Variants in POLR1H observed in about 807,000 individuals in gnomAD.
POLR1H encodes the protein RNA polymerase I subunit H, also known as DNA-directed RNA polymerase I subunit RPA12.
POLR1H carries 5 observed loss-of-function variants against 15.8 expected under a neutral mutation model. That is an observed-to-expected ratio of 0.32 (90% CI 0.17 to 0.67). The LOEUF is 0.67. POLR1H is among the 30% of genes least tolerant of loss of function. POLR1H has a pLI of 0.74. For missense variants in POLR1H, 100 were observed against 163.4 expected (o/e 0.61, Z 2.11); for synonymous variants, 43 against 58.3 (o/e 0.74, Z 1.20).
Position 30,061,838 on chromosome 6 carries a change from C to T in POLR1H, c.146-79C>T. 6.4e-7 allele frequency: 1 copy of T among 1,555,582 alleles called. No individual in the cohort carries two copies. Among genetic ancestry groups the T allele is most frequent in the Admixed American group, 1.7e-5 (1 of 58,720 alleles). ...AAGGATGTAGGGCCTCCTGGCCTAA[C>T]CAGCCAGGGGAAAGGGGAGGTTTCC... On this transcript the variant is annotated intron_variant, in intron 1 of 3. Transcript: ENST00000332435. The surrounding 1 kb of genome is among the most constrained non-coding windows in gnomAD (Gnocchi z 5.0).
intron 3 of POLR1H, 88 bp downstream of exon 3, chr6:30,062,421 C>A: frequency 1.2e-6 from 1 of 848,924 alleles, no homozygotes; most frequent in Admixed American, 2.0e-5. Flanking sequence ...ATGGCCGTTT[C>A]CCTTGGTCCC....
rs1765072809 is a variant in POLR1H, at chr6:30,061,616, G to A, written c.92G>A (p.Gly31Glu). ...TGCGGCTCGGTCCTGCCTCTGCCCG[G>A]GGCTCAGGATACGGTCACCTGTATT... The part of the protein sequence containing the change: ...SDCGSVLPLP[G>E]AQDTVTCIRC... The change falls in exon 1 of 4, where the codon GGG (glycine) becomes GAG (glutamate). Residue 31 changes from glycine (G) to glutamate (E), a missense_variant. Gly to Glu is a moderately conservative substitution (Grantham distance 98). Coordinates refer to ENST00000332435, the MANE Select transcript of POLR1H (RefSeq NM_170783.4). The surrounding 1 kb of genome is among the most constrained non-coding windows in gnomAD (Gnocchi z 5.0). 6.2e-7 allele frequency: 1 copy of A among 1,613,046 alleles called. No homozygotes were observed. Among genetic ancestry groups the A allele is most frequent in the South Asian group, 1.1e-5 (1 of 91,082 alleles).
In POLR1H at chr6:30,061,573, C is replaced by T. The variant is rs1447541754; in HGVS notation, c.49C>T (p.Leu17=). ...TACTTGCTCCAGCTTTCAGTCGGAC[C>T]TGGATTTCTGTTCAGATTGCGGCTC... ...ANTCSSFQSD[L]DFCSDCGSVL... Residue 17 remains leucine, a synonymous_variant, in exon 1 of 4, where the codon CTG becomes TTG. Transcript: ENST00000332435. This position sits in a 1 kb window ranked among gnomAD's most constrained non-coding sequence, Gnocchi z 5.0. The T allele has an allele frequency of 6.2e-7, 1 of 1,612,962 alleles. No individual in the cohort carries two copies. Among genetic ancestry groups the T allele is most frequent in the East Asian group, 2.2e-5 (1 of 44,902 alleles).
rs1456421758 is a variant in POLR1H, at chr6:30,062,013, C to T, written c.242C>T (p.Pro81Leu). 6.2e-7 allele frequency: 1 copy of T among 1,612,802 alleles called. No individual in the cohort carries two copies. ...SVEEGPECQG[P>L]VVDRRCPRCG... Reference sequence around the variant, plus strand: ...GAGGAAGGGCCTGAGTGCCAGGGACCTGTGGTAAGCTAATGAGATCAAGAA... The same window carrying T: ...GAGGAAGGGCCTGAGTGCCAGGGACTTGTGGTAAGCTAATGAGATCAAGAA... Residue 81 changes from proline (P) to leucine (L), a missense_variant, in exon 2 of 4, where the codon CCT becomes CTT. Coordinates refer to ENST00000332435, the MANE Select transcript of POLR1H (RefSeq NM_170783.4).
rs1181336958 is a variant in POLR1H, at chr6:30,061,595, G to A, written c.71G>A (p.Gly24Asp). The A allele has an allele frequency of 6.2e-7, 1 of 1,613,052 alleles. No individual in the cohort carries two copies. The highest frequency in any genetic ancestry group is 1.7e-5 in the Admixed American group (1 of 60,026). The change falls in exon 1 of 4, where the codon GGC (glycine) becomes GAC (aspartate). Residue 24 changes from glycine to aspartate, a missense_variant. Coordinates refer to ENST00000332435, the MANE Select transcript of POLR1H (RefSeq NM_170783.4). This position sits in a 1 kb window ranked among gnomAD's most constrained non-coding sequence, Gnocchi z 5.0. ...QSDLDFCSDC[G>D]SVLPLPGAQD... ...GACCTGGATTTCTGTTCAGATTGCG[G>A]CTCGGTCCTGCCTCTGCCCGGGGCT...
intron 3 of POLR1H, among the ~76,000 whole-genome samples, chr6:30,062,714 C>CTTTTTTTTT (rs9278555): frequency 1.3e-3 from 54 of 42,384 alleles, no homozygotes; most frequent in African/African-American, 3.2e-3. Flanking sequence ...CCACGCCTGG[C>CTTTTTTTTT]TTTTTTTTTT....
rs138940267 is a variant in POLR1H at position 30,063,150 on chromosome 6, A to AT, written c.356+817_356+818insT. Among the ~76,000 whole-genome samples the AT allele has an allele frequency of 6.6e-6, 1 of 151,824 alleles. No individual in the cohort carries two copies. The highest frequency in any genetic ancestry group is 2.4e-5 in the African/African-American group (1 of 41,302). The stretch of plus-strand genomic sequence containing the variant: ...TTGGACTTTCTGAAACTGAGAGTGG[A>AT]CTTTTTTTTCATCAACCTTGGAAAA... On this transcript the variant is annotated intron_variant, in intron 3 of 3. Coordinates refer to ENST00000332435, the MANE Select transcript of POLR1H (RefSeq NM_170783.4). The surrounding 1 kb of genome is among the most constrained non-coding windows in gnomAD (Gnocchi z 4.1).
chr6:30,061,538 ACCTCGCC>A lies in POLR1H; in HGVS notation c.15_21del (p.Asp5GlufsTer49). ...AGACCCGACCGCATGTCTGTCATGG[ACCTCGCC>A]AATACTTGCTCCAGCTTTCAGTCGG... On this transcript the variant is annotated frameshift_variant, in exon 1 of 4. Coordinates refer to ENST00000332435, the MANE Select transcript of POLR1H (RefSeq NM_170783.4). LOFTEE classifies it high-confidence loss of function. This position sits in a 1 kb window ranked among gnomAD's most constrained non-coding sequence, Gnocchi z 5.0. The A allele has an allele frequency of 6.2e-7, 1 of 1,612,982 alleles. No individual in the cohort carries two copies. Among genetic ancestry groups the A allele is most frequent in the Non-Finnish European group, 8.5e-7 (1 of 1,180,018 alleles).
upstream of POLR1H, chr6:30,060,583 G>GGA (rs1764942283): frequency 6.6e-6 from 1 of 152,182 alleles, no homozygotes; most frequent in South Asian, 2.1e-4. Flanking sequence ...AGGAGTCGAA[G>GGA]GAGAGGAAGC....
At chr6:30,064,326 GA>G (rs1765341691) in intron 3 of POLR1H, among the ~76,000 whole-genome samples, 1 of 149,812 alleles carries the variant, frequency 6.7e-6, no homozygotes, top group African/African-American at 2.4e-5. Context: ...ATAAAAAGAA[GA>G]TTTTTTTTCC....
intron 3 of POLR1H, among the ~76,000 whole-genome samples, chr6:30,062,932 GT>G (rs1765232628): frequency 6.6e-6 from 1 of 151,508 alleles, no homozygotes; most frequent in Non-Finnish European, 1.5e-5. Flanking sequence ...AGCAGGTATT[GT>G]TTAGTGGTCA....
At chr6:30,062,444 T>A in intron 3 of POLR1H, 111 bp downstream of exon 3, 1 of 700,892 alleles carries the variant, frequency 1.4e-6, no homozygotes, top group South Asian at 1.6e-5. Flanking sequence ...CCCTTATTTC[T>A]GTGCAGTTCT....
chr6:30,062,152 C>G (rs865974875), intron 2 of POLR1H, 72 bp from the exon 3 acceptor site: 1 of 1,454,372 alleles, frequency 6.9e-7, no homozygotes, highest in Non-Finnish European at 9.6e-7. Flanking sequence ...GTTTGAGAGG[C>G]GTGATCGCCT....
At chr6:30,062,111 C>T in intron 2 of POLR1H, 94 bp downstream of exon 2, 1 of 1,462,010 alleles carries the variant, frequency 6.8e-7, no homozygotes, top group Non-Finnish European at 9.6e-7. Context: ...GTGCCCAATT[C>T]CAAGAGGGAA....
Position 30,063,532 on chromosome 6 carries a change from T to C in POLR1H, c.357-1141T>C, listed in dbSNP as rs1454102214. Among the ~76,000 whole-genome samples the C allele has an allele frequency of 6.6e-6, 1 of 151,508 alleles. No homozygotes were observed. The highest frequency in any genetic ancestry group is 6.6e-5 in the Admixed American group (1 of 15,218). Reference sequence around the variant, plus strand: ...CTTTTATTATTCTTTAAATATATATTTAAAATATTAAATATGGTTATTATA... The same window carrying C: ...CTTTTATTATTCTTTAAATATATATCTAAAATATTAAATATGGTTATTATA... On this transcript the variant is annotated intron_variant, in intron 3 of 3. Coordinates refer to ENST00000332435, the MANE Select transcript of POLR1H (RefSeq NM_170783.4). The surrounding 1 kb of genome is among the most constrained non-coding windows in gnomAD (Gnocchi z 4.1).
chr6:30,061,505 C>G lies in POLR1H; in HGVS notation c.-20C>G, dbSNP rs1192676359. 6.2e-7 allele frequency: 1 copy of G among 1,611,598 alleles called. No individual in the cohort carries two copies. Among genetic ancestry groups the G allele is most frequent in the Non-Finnish European group, 8.5e-7 (1 of 1,179,138 alleles). On this transcript the variant is annotated 5_prime_UTR_variant, in exon 1 of 4. Transcript: ENST00000332435. This position sits in a 1 kb window ranked among gnomAD's most constrained non-coding sequence, Gnocchi z 5.0. ...CTCTTTTGTTAATAAACTTCCAACT[C>G]CCTCCTCAGACCCGACCGCATGTCT...
At position 30,061,695 on chromosome 6, in the gene POLR1H, T is replaced by C; in HGVS notation, c.145+26T>C. On this transcript the variant is annotated intron_variant, in intron 1 of 3. Coordinates refer to ENST00000332435, the MANE Select transcript of POLR1H (RefSeq NM_170783.4). This position sits in a 1 kb window ranked among gnomAD's most constrained non-coding sequence, Gnocchi z 5.0. Reference sequence around the variant, plus strand: ...GTGAGAGGCTTGTACGCAGGGGTCCTGGCGGAGGGCGCAGGGTCGGAAGCT... The same window carrying C: ...GTGAGAGGCTTGTACGCAGGGGTCCCGGCGGAGGGCGCAGGGTCGGAAGCT... The C allele has an allele frequency of 1.2e-6, 2 of 1,612,014 alleles. No individual in the cohort carries two copies. The highest frequency in any genetic ancestry group is 2.2e-5 in the South Asian group (2 of 91,070).
Position 30,061,308 on chromosome 6 carries a change from C to T in POLR1H, c.-217C>T, listed in dbSNP as rs1561958813. 1 of 490,862 alleles carries T rather than the reference C, an allele frequency of 2.0e-6. No homozygotes were observed. Among genetic ancestry groups the T allele is most frequent in the South Asian group, 3.8e-5 (1 of 26,484 alleles). 30.4% of individuals were successfully genotyped at this position (490,862 alleles called of 1,614,324 possible). ...CACGGAGTTGGTTAACTCCTCTCAC[C>T]GGCCCCTGGAAAGGGTTCCAAGTCC... On this transcript the variant is annotated 5_prime_UTR_variant, in exon 1 of 4. Transcript: ENST00000332435. This position sits in a 1 kb window ranked among gnomAD's most constrained non-coding sequence, Gnocchi z 5.0.
Position 30,061,420 on chromosome 6 carries a change from G to A in POLR1H, c.-105G>A, listed in dbSNP as rs533703301. 33 of 1,373,224 alleles carry A rather than the reference G, an allele frequency of 2.4e-5. No homozygotes were observed. In the African/African-American group the frequency reaches 4.5e-4, roughly 19 times the overall value. The allele number at this position is 1,373,224 out of a possible 1,614,324, so 85.1% of individuals were successfully genotyped here. A position where few individuals can be genotyped will look rare whatever the true frequency, so the allele number is the denominator to read the frequency against. On this transcript the variant is annotated 5_prime_UTR_variant, in exon 1 of 4. Transcript: ENST00000332435. The surrounding 1 kb of genome is among the most constrained non-coding windows in gnomAD (Gnocchi z 5.0). ...AGGCGTGCGTGGCAGGAGGGTTCGG[G>A]TTATATACTCCTAGGTCCTGGGACA...
Sources: gnomAD v4.1 joint callset for allele counts (sites outside exome capture counted in the v4.1 genomes callset) on GRCh38, gnomAD v4.1.1 for gene constraint, Gnocchi (gnomAD v3.1) non-coding constraint, MANE v1.5 for transcripts, NCBI Gene and HGNC (gene_info 2026-07-23, HGNC 2026-07-21) for gene names.